The following CRISP2 variants were observed in gnomAD, a reference collection of about 807,000 sequenced individuals.
The protein encoded by CRISP2 is cysteine rich secretory protein 2.
Under a neutral mutation model 31.7 loss-of-function variants are expected in CRISP2, and 29 were observed. The observed-to-expected ratio is 0.92, with a 90% CI of 0.68 to 1.25. The LOEUF (loss-of-function observed/expected upper bound fraction) is 1.25. Ranked by LOEUF, CRISP2 falls within the 50% of genes most tolerant of loss-of-function variation. The pLI is 0.00. For synonymous variants in CRISP2, 111 were observed against 101.4 expected (o/e 1.09, Z -0.57); for missense variants, 318 against 286.5 (o/e 1.11, Z -0.79).
chr6:49,694,242 A>C (rs959359675), intron 9 of CRISP2, among the ~76,000 whole-genome samples: 2 of 152,206 alleles, frequency 1.3e-5, no homozygotes, highest in Non-Finnish European at 2.9e-5. Flanking sequence ...GCCTTGATGC[A>C]TCTGAAGCCC....
chr6:49,700,538 G>C (rs1582066247), intron 5 of CRISP2, 130 bp downstream of exon 5: 1 of 690,818 alleles, frequency 1.4e-6, no homozygotes, highest in Non-Finnish European at 2.6e-6. Flanking sequence ...TCCATATAAT[G>C]GTTCAAATAA....
chr6:49,695,789 T>C, intron 9 of CRISP2, 47 bp downstream of exon 9: 1 of 1,253,222 alleles, frequency 8.0e-7, no homozygotes. Context: ...GAAAAGATAA[T>C]ATCAATTCTA....
chr6:49,697,520 T>C (rs1764970859), intron 8 of CRISP2, among the ~76,000 whole-genome samples: 1 of 152,144 alleles, frequency 6.6e-6, no homozygotes, highest in South Asian at 2.1e-4. Flanking sequence ...AAAGCATCTA[T>C]ACTCCTAGAG....
intron 6 of CRISP2, 25 bp from the exon 7 acceptor site, chr6:49,698,532 A>G: frequency 6.3e-7 from 1 of 1,584,336 alleles, no homozygotes; most frequent in Non-Finnish European, 8.5e-7. Flanking sequence ...ATTCATGAGC[A>G]AGGTAATAAA....
chr6:49,700,316 G>T (rs189960420), intron 5 of CRISP2, among the ~76,000 whole-genome samples: 17 of 152,232 alleles, frequency 1.1e-4, no homozygotes, highest in African/African-American at 4.1e-4. Context: ...TGTGCCCTGG[G>T]AAGTGGGCTT....
At chr6:49,703,509 C>A (rs1411520426) in intron 4 of CRISP2, among the ~76,000 whole-genome samples, 1 of 152,000 alleles carries the variant, frequency 6.6e-6, no homozygotes, top group Non-Finnish European at 1.5e-5. Flanking sequence ...CAGTGTTCTG[C>A]AGTTTTCTTG....
rs751942950 is a variant in CRISP2 at position 49,695,899 on chromosome 6, T to C, written c.541A>G (p.Thr181Ala). 1 of 1,611,932 alleles carries C rather than the reference T, an allele frequency of 6.2e-7. No individual in the cohort carries two copies. The highest frequency in any genetic ancestry group is 2.2e-5 in the East Asian group (1 of 44,780). The stretch of plus-strand genomic sequence containing the variant: ...CAAGGTGTTCCTTGTTGGTACGGGG[T>C]ATTCTTTCTATTCATATTATTACCA... ...PAGNNMNRKN[T>A]PYQQGTPCAG... The change falls in exon 9 of 10, where the codon ACC becomes GCC. Residue 181 changes from threonine (T) to alanine (A), a missense_variant. Transcript: ENST00000339139.
chr6:49,701,848 TA>T lies in CRISP2; in HGVS notation c.67-1065del, dbSNP rs1303229945. ...TGTATACATTAATAATAATATATATTATATAATATATATTATTATATATTAT... is the reference window on the plus strand; with the variant it reads ...TGTATACATTAATAATAATATATATTTATAATATATATTATTATATATTAT... On this transcript the variant is annotated intron_variant, in intron 4 of 9. Transcript: ENST00000339139. Among the ~76,000 whole-genome samples, 12 of 87,040 alleles carry T rather than the reference TA, an allele frequency of 1.4e-4. No individual in the cohort carries two copies. In the South Asian group the frequency reaches 3.7e-3, roughly 27 times the overall value. The allele number at this position is 87,040 out of a possible 152,430, so 57.1% of individuals were successfully genotyped here.
In CRISP2 at chr6:49,698,850, T is replaced by C. The variant is rs930744522; in HGVS notation, c.272-343A>G. On this transcript the variant is annotated intron_variant, in intron 6 of 9. Coordinates refer to ENST00000339139, the MANE Select transcript of CRISP2 (RefSeq NM_003296.4). ...TAAAGGCAGTGACCAACTCTTATATTCTGTTTTCTGCTCTAGTAACCCTCA... is the reference window on the plus strand; with the variant it reads ...TAAAGGCAGTGACCAACTCTTATATCCTGTTTTCTGCTCTAGTAACCCTCA... Among the ~76,000 whole-genome samples, 4 of 152,274 alleles carry C rather than the reference T, an allele frequency of 2.6e-5. No individual in the cohort carries two copies. In the East Asian group the frequency reaches 7.7e-4, roughly 29 times the overall value.
At chr6:49,702,212 T>C (rs1766197837) in intron 4 of CRISP2, among the ~76,000 whole-genome samples, 1 of 136,922 alleles carries the variant, frequency 7.3e-6, no homozygotes. Flanking sequence ...CATTGATTAA[T>C]GGGCACTCGG....
chr6:49,694,116 C>A (rs772678123), intron 9 of CRISP2, among the ~76,000 whole-genome samples: 14 of 152,172 alleles, frequency 9.2e-5, no homozygotes, highest in Non-Finnish European at 7.3e-5. Context: ...GCGAATAAGT[C>A]TCCTAAGATG....
intron 4 of CRISP2, among the ~76,000 whole-genome samples, chr6:49,708,155 A>C (rs1767395420): frequency 1.3e-5 from 2 of 152,158 alleles, no homozygotes; most frequent in Admixed American, 1.3e-4. Context: ...AAAAAGAAAT[A>C]AAATTAAGGA....
intron 9 of CRISP2, among the ~76,000 whole-genome samples, chr6:49,695,274 T>C (rs564360621): frequency 1.3e-5 from 2 of 152,300 alleles, no homozygotes; most frequent in African/African-American, 4.8e-5. Context: ...TGTATATAGA[T>C]TGAGTTTTGT....
At chr6:49,704,926 G>A (rs923927628) in intron 4 of CRISP2, among the ~76,000 whole-genome samples, 8 of 152,164 alleles carry the variant, frequency 5.3e-5, no homozygotes, top group Admixed American at 2.6e-4. Flanking sequence ...TTTCCTTGGA[G>A]TAGAGTTGTT....
Position 49,699,883 on chromosome 6 carries a change from G to A in CRISP2, c.192C>T (p.Ser64=). 6.2e-7 allele frequency: 1 copy of A among 1,612,114 alleles called. No homozygotes were observed. Among genetic ancestry groups the A allele is most frequent in the Non-Finnish European group, 8.5e-7 (1 of 1,178,864 alleles). The change falls in exon 6 of 10, where the codon AGC becomes AGT. Residue 64 remains serine, a synonymous_variant. Transcript: ENST00000339139. ...TTTGGGCATTCGTTGTTACCTCTCT[G>A]CTCCATTCCTAAACGTCACAAGAAA... The part of the protein sequence containing the change: ...PASNMLKMEW[S]REVTTNAQRW...
downstream of CRISP2, among the ~76,000 whole-genome samples, chr6:49,690,743 G>A (rs995228929): frequency 5.9e-5 from 9 of 151,988 alleles, no homozygotes; most frequent in South Asian, 2.1e-4. Flanking sequence ...TATCAAAATC[G>A]TCATTAACAT....
chr6:49,703,192 C>A (rs1269955574), intron 4 of CRISP2, among the ~76,000 whole-genome samples: 6 of 152,068 alleles, frequency 3.9e-5, no homozygotes, highest in Admixed American at 3.3e-4. Flanking sequence ...TATTTTTATA[C>A]CAGTACCATG....
At chr6:49,687,479 G>A (rs1561853610), downstream of CRISP2, among the ~76,000 whole-genome samples, 1 of 152,154 alleles carries the variant, frequency 6.6e-6, no homozygotes, top group Non-Finnish European at 1.5e-5. Flanking sequence ...ATCACATTGA[G>A]CTTCTAAATT....
intron 9 of CRISP2, 44 bp from the exon 10 acceptor site, chr6:49,692,944 G>A: frequency 1.2e-6 from 2 of 1,604,730 alleles, no homozygotes; most frequent in Non-Finnish European, 1.7e-6. Context: ...GTTTTCCTCA[G>A]TAAGAGCAAA....
Sources: allele counts gnomAD v4.1 joint callset (sites outside exome capture counted in the v4.1 genomes callset), GRCh38; gene constraint gnomAD v4.1.1; transcripts MANE v1.5; gene names NCBI Gene and HGNC (gene_info 2026-07-23, HGNC 2026-07-21).